NLGN1: variants seen among roughly 807,000 people sequenced by gnomAD.
NLGN1 encodes neuroligin-1.
NLGN1 carries 12 observed loss-of-function variants against 65.5 expected under a neutral mutation model. The ratio of observed to expected loss-of-function variants is 0.18; its 90% confidence interval spans 0.12 to 0.30. The LOEUF (loss-of-function observed/expected upper bound fraction) is 0.30. NLGN1 is among the 10% of genes least tolerant of loss of function. NLGN1 has a pLI of 1.00. For missense variants in NLGN1, 750 were observed against 1,007.1 expected, an observed-to-expected ratio of 0.74 and a Z score of 3.46; for synonymous variants, 350 against 359.5, an observed-to-expected ratio of 0.97 and a Z score of 0.30.
chr3:174,075,035 T>A (rs1375671407), intron 4 of NLGN1, among the ~76,000 whole-genome samples: 3 of 152,160 alleles, frequency 2.0e-5, no homozygotes, highest in Non-Finnish European at 4.4e-5. Context: ...TCTAGTGCTG[T>A]GGCATCAGAA....
intron 3 of NLGN1, among the ~76,000 whole-genome samples, chr3:173,635,106 A>T (rs546955126): frequency 1.3e-5 from 2 of 152,184 alleles, no homozygotes; most frequent in African/African-American, 4.8e-5. Flanking sequence ...GTCTAACAAC[A>T]TTAATAGTTA....
rs996312165 is a variant in NLGN1 at position 173,421,271 on chromosome 3, C to G, written c.-389-13739C>G. On this transcript the variant is annotated intron_variant, in intron 1 of 6. Transcript: ENST00000457714. ...GATGTAGTCTTAAAATTAGAATTTG[C>G]AAGAGTACAAGTGTCTATTTTTAAA... Among the ~76,000 whole-genome samples the G allele has an allele frequency of 9.2e-4, 140 of 151,834 alleles. 2 individuals are homozygous for G. The highest frequency in any genetic ancestry group is 2.5e-4 in the Non-Finnish European group (17 of 67,966).
intron 4 of NLGN1, among the ~76,000 whole-genome samples, chr3:173,957,830 T>C (rs1302544338): frequency 6.6e-6 from 1 of 152,192 alleles, no homozygotes; most frequent in African/African-American, 2.4e-5. Context: ...CCTGCTGGGC[T>C]CCTTCTGCCC....
chr3:174,017,861 G>A (rs913974889), intron 4 of NLGN1, among the ~76,000 whole-genome samples: 10 of 152,086 alleles, frequency 6.6e-5, no homozygotes, highest in South Asian at 2.1e-4. Flanking sequence ...ATGAAGTTTC[G>A]GGCACGTGTT....
chr3:173,619,660 A>G (rs373638526), intron 3 of NLGN1, among the ~76,000 whole-genome samples: 1 of 152,194 alleles, frequency 6.6e-6, no homozygotes, highest in Non-Finnish European at 1.5e-5. Context: ...CAGATAGGTT[A>G]CTGTGCAAGG....
intron 4 of NLGN1, among the ~76,000 whole-genome samples, chr3:174,003,845 A>C (rs528777128): frequency 6.6e-6 from 1 of 152,226 alleles, no homozygotes; most frequent in African/African-American, 2.4e-5. Context: ...TTCAATGCAA[A>C]ACTCAGATTT....
In NLGN1 at chr3:173,455,112, A is replaced by G. The variant is rs775281732; in HGVS notation, c.-321+20034A>G. Among the ~76,000 whole-genome samples the G allele has an allele frequency of 5.3e-5, 8 of 152,312 alleles. No homozygotes were observed. In the Middle Eastern group the frequency reaches 0.02, roughly 389 times the overall value. ...ACTCCAAAACAATTACAAAAGTAAC[A>G]TCAAAGATCACAGTGTCAGCCCATT... On this transcript the variant is annotated intron_variant, in intron 2 of 6. Transcript: ENST00000457714.
chr3:173,985,165 C>T (rs571892384), intron 4 of NLGN1, among the ~76,000 whole-genome samples: 4 of 152,296 alleles, frequency 2.6e-5, no homozygotes, highest in South Asian at 2.1e-4. Flanking sequence ...AGAATTATGA[C>T]GATTTGAAAC....
chr3:173,807,575 A>G, intron 3 of NLGN1, 105 bp from the exon 4 acceptor site: 1 of 1,271,988 alleles, frequency 7.9e-7, no homozygotes, highest in Middle Eastern at 1.9e-4. Flanking sequence ...TTTAAGAACT[A>G]TATTGAAATT....
At chr3:174,243,565 T>C (rs1172952973) in intron 4 of NLGN1, among the ~76,000 whole-genome samples, 2 of 152,084 alleles carry the variant, frequency 1.3e-5, no homozygotes, top group African/African-American at 2.4e-5. Context: ...CCCTATGTAA[T>C]TCCTTTTCTA....
chr3:174,119,413 C>A (rs955249440), intron 4 of NLGN1, among the ~76,000 whole-genome samples: 1 of 135,966 alleles, frequency 7.4e-6, no homozygotes, highest in African/African-American at 2.9e-5. Context: ...TTCAAAGTAT[C>A]TCATAGCTTG....
intron 4 of NLGN1, among the ~76,000 whole-genome samples, chr3:173,994,489 A>AAAAAAG (rs1560799719): frequency 1.6e-5 from 1 of 62,460 alleles, no homozygotes; most frequent in East Asian, 1.1e-3. Flanking sequence ...AAAAAAAAAA[A>AAAAAAG]AAAGAGAGAG....
chr3:173,633,307 A>G (rs1239221851), intron 3 of NLGN1, among the ~76,000 whole-genome samples: 1 of 152,114 alleles, frequency 6.6e-6, no homozygotes, highest in African/African-American at 2.4e-5. Flanking sequence ...GGCCTCTGCA[A>G]ACTTTTCTAG....
intron 3 of NLGN1, among the ~76,000 whole-genome samples, chr3:173,666,829 A>C (rs921591158): frequency 2.6e-5 from 4 of 152,194 alleles, no homozygotes; most frequent in African/African-American, 9.6e-5. Flanking sequence ...AAATTCTAAA[A>C]ACAACATAGT....
At chr3:174,059,700 A>C (rs1736974241) in intron 4 of NLGN1, among the ~76,000 whole-genome samples, 1 of 152,166 alleles carries the variant, frequency 6.6e-6, no homozygotes, top group African/African-American at 2.4e-5. Context: ...TTATGTGGCA[A>C]GCTCTGTGCA....
At chr3:174,024,596 C>A (rs550486047) in intron 4 of NLGN1, among the ~76,000 whole-genome samples, 2 of 151,934 alleles carry the variant, frequency 1.3e-5, no homozygotes, top group Non-Finnish European at 2.9e-5. Context: ...TCATCCAAGG[C>A]ATTTCTGAAA....
At chr3:173,754,044 T>G (rs1218521972) in intron 3 of NLGN1, among the ~76,000 whole-genome samples, 50 of 147,084 alleles carry the variant, frequency 3.4e-4, no homozygotes, top group African/African-American at 1.1e-3. Context: ...TTTTGTTTTT[T>G]TTTTTGTTGT....
intron 3 of NLGN1, among the ~76,000 whole-genome samples, chr3:173,749,440 T>C (rs1365496153): frequency 1.3e-5 from 2 of 152,052 alleles, no homozygotes; most frequent in Admixed American, 6.6e-5. Context: ...CTTCTAAATA[T>C]AATAAGCATT....
chr3:173,483,600 T>C (rs1046893423), intron 2 of NLGN1, among the ~76,000 whole-genome samples: 2 of 152,126 alleles, frequency 1.3e-5, no homozygotes, highest in Non-Finnish European at 2.9e-5. Context: ...GTTAATGATA[T>C]TGAACATTTT....
Sources: allele counts gnomAD v4.1 joint callset (sites outside exome capture counted in the v4.1 genomes callset), GRCh38; gene constraint gnomAD v4.1.1; transcripts MANE v1.5; gene names NCBI Gene and HGNC (gene_info 2026-07-23, HGNC 2026-07-21).